The following RREB1 variants were observed in gnomAD, a reference collection of about 807,000 sequenced individuals.
RREB1 encodes the protein ras responsive element binding protein 1, also known as ras-responsive element-binding protein 1.
In RREB1, 27 loss-of-function variants were observed where a neutral mutation model predicts 117.8. That is an observed-to-expected ratio of 0.23 (90% confidence interval 0.17 to 0.32). The LOEUF is 0.32. Among genes scored for constraint, RREB1 ranks in the 10% least tolerant of loss-of-function variants. The pLI is 1.00. For missense variants in RREB1, 2,577 were observed against 2,378.2 expected, an observed-to-expected ratio of 1.08 and a Z score of -1.74; for synonymous variants, 1,298 against 1,026.7, an observed-to-expected ratio of 1.26 and a Z score of -5.05.
At chr6:7,127,045 C>T (rs957219568) in intron 1 of RREB1, among the ~76,000 whole-genome samples, 10 of 152,088 alleles carry the variant, frequency 6.6e-5, no homozygotes, top group African/African-American at 1.2e-4. Context: ...TAAGTACAGG[C>T]CCTGGAGTAT....
Position 7,177,702 on chromosome 6 carries a change from TTTTTC to T in RREB1, c.-166+944_-166+948del, listed in dbSNP as rs1038154584. Among the ~76,000 whole-genome samples the T allele has an allele frequency of 6.6e-5, 10 of 152,010 alleles. No homozygotes were observed. The South Asian group carries it at 1.5e-3, about 22-fold the overall frequency. ...ACACATGCTACCATACCTGGCTTCT[TTTTTC>T]TTTTCTTTTCTTTTTCTGTCTTTCT... On this transcript the variant is annotated intron_variant, in intron 2 of 12. Coordinates refer to ENST00000379938, the MANE Select transcript of RREB1 (RefSeq NM_001003699.4).
intron 6 of RREB1, among the ~76,000 whole-genome samples, chr6:7,191,781 T>G (rs980732478): frequency 1.4e-4 from 21 of 152,210 alleles, no homozygotes; most frequent in African/African-American, 4.6e-4. Context: ...TAGTTAAAAT[T>G]TATATATTGA....
intron 6 of RREB1, among the ~76,000 whole-genome samples, chr6:7,208,868 T>G (rs1766423872): frequency 6.6e-6 from 1 of 152,110 alleles, no homozygotes. Context: ...CAGAACAGAG[T>G]TAACTGACTG....
Position 7,229,779 on chromosome 6 carries a change from C to T in RREB1, c.1680C>T (p.Ala560=), listed in dbSNP as rs1021936420. 3 of 1,606,916 alleles carry T rather than the reference C, an allele frequency of 1.9e-6. No homozygotes were observed. The African/African-American group carries it at 4.0e-5, about 21-fold the overall frequency. The change falls in exon 10 of 13, where the codon GCC becomes GCT. Residue 560 remains alanine, a synonymous_variant. Coordinates refer to ENST00000379938, the MANE Select transcript of RREB1 (RefSeq NM_001003699.4). The surrounding 1 kb of genome is among the most constrained non-coding windows in gnomAD (Gnocchi z 4.5). Reference sequence around the variant, plus strand: ...GCTCAGTGGAGGCGGCCTCCAACGCCCACCTGCTGCAGTCCAAGTCCGGGA... The same window carrying T: ...GCTCAGTGGAGGCGGCCTCCAACGCTCACCTGCTGCAGTCCAAGTCCGGGA... ...LKGSVEAASN[A]HLLQSKSGTQ...
At chr6:7,114,534 C>A (rs1761300796) in intron 1 of RREB1, among the ~76,000 whole-genome samples, 1 of 151,820 alleles carries the variant, frequency 6.6e-6, no homozygotes, top group African/African-American at 2.4e-5. Flanking sequence ...AGATGCTGTT[C>A]CACATCTTGG....
chr6:7,207,427 GAA>G (rs1245856620), intron 6 of RREB1, among the ~76,000 whole-genome samples: 1 of 152,184 alleles, frequency 6.6e-6, no homozygotes, highest in Admixed American at 6.5e-5. Context: ...TCTGGAAGGT[GAA>G]AAGATGCACT....
At chr6:7,235,840 G>A (rs969669910) in intron 10 of RREB1, among the ~76,000 whole-genome samples, 20 of 152,206 alleles carry the variant, frequency 1.3e-4, no homozygotes, top group Non-Finnish European at 2.5e-4. Flanking sequence ...AGTGTCCAAC[G>A]AGGGGTATAC....
At chr6:7,244,817 C>T (rs1051438186) in intron 11 of RREB1, among the ~76,000 whole-genome samples, 1 of 152,202 alleles carries the variant, frequency 6.6e-6, no homozygotes, top group African/African-American at 2.4e-5. Context: ...ACTGTCTCCT[C>T]AGACCTCAGG....
At chr6:7,188,923 T>C (rs1765249943) in intron 5 of RREB1, among the ~76,000 whole-genome samples, 1 of 152,226 alleles carries the variant, frequency 6.6e-6, no homozygotes, top group Non-Finnish European at 1.5e-5. Flanking sequence ...TTCTGAGCCT[T>C]TCAGTAGAAG....
intron 1 of RREB1, among the ~76,000 whole-genome samples, chr6:7,142,933 A>G (rs760671741): frequency 3.3e-5 from 5 of 152,212 alleles, no homozygotes; most frequent in Non-Finnish European, 5.9e-5. Flanking sequence ...TGGAGCATGA[A>G]CCAGTGGCTG....
chr6:7,236,415 G>A (rs1293377322), intron 10 of RREB1, among the ~76,000 whole-genome samples: 4 of 152,102 alleles, frequency 2.6e-5, no homozygotes, highest in African/African-American at 7.2e-5. Context: ...TCAGAGCTTC[G>A]GTCAGTGAGT....
Position 7,200,200 on chromosome 6 carries a change from ATATG to A in RREB1, c.426-10594_426-10591del, listed in dbSNP as rs143639046. On this transcript the variant is annotated intron_variant, in intron 6 of 12. Coordinates refer to ENST00000379938, the MANE Select transcript of RREB1 (RefSeq NM_001003699.4). ...ATTTTATATATATGTGTGTGTGTAT[ATATG>A]TATGTATGTGTGTGTATATATATAT... is the stretch of plus-strand genomic sequence containing the variant. Among the ~76,000 whole-genome samples the A allele has an allele frequency of 3.7e-3, 559 of 149,672 alleles. 3 individuals carry two copies. Among genetic ancestry groups the A allele is most frequent in the African/African-American group, 0.013 (523 of 40,708 alleles).
intron 6 of RREB1, among the ~76,000 whole-genome samples, chr6:7,195,075 G>A (rs1366051574): frequency 6.6e-6 from 1 of 152,180 alleles, no homozygotes; most frequent in African/African-American, 2.4e-5. Context: ...TGTTGTATGT[G>A]CCAGAGAGGG....
In RREB1 at chr6:7,229,843, C is replaced by A; in HGVS notation, c.1744C>A (p.Pro582Thr). 6.2e-7 allele frequency: 1 copy of A among 1,609,992 alleles called. No homozygotes were observed. Among genetic ancestry groups the A allele is most frequent in the Non-Finnish European group, 8.5e-7 (1 of 1,178,458 alleles). Residue 582 changes from proline (P) to threonine (T), a missense_variant, in exon 10 of 13, where the codon CCG (proline) becomes ACG (threonine). By Grantham distance (38) the Pro-to-Thr change is conservative. Coordinates refer to ENST00000379938, the MANE Select transcript of RREB1 (RefSeq NM_001003699.4). The surrounding 1 kb of genome is among the most constrained non-coding windows in gnomAD (Gnocchi z 4.5). Reference sequence around the variant, plus strand: ...GGCCACGCGGCTCTCCCTGCAGCAGCCGCGGGCGGAGCTGCCGGGCCAGCC... The same window carrying A: ...GGCCACGCGGCTCTCCCTGCAGCAGACGCGGGCGGAGCTGCCGGGCCAGCC... The part of the protein sequence containing the change: ...HAATRLSLQQ[P>T]RAELPGQPEM...
intron 1 of RREB1, among the ~76,000 whole-genome samples, chr6:7,126,435 A>AT (rs1456619837): frequency 6.6e-6 from 1 of 151,246 alleles, no homozygotes; most frequent in African/African-American, 2.4e-5. Context: ...CATCTAGCTG[A>AT]TTTTTTTATT....
chr6:7,157,308 C>T (rs1465706002), intron 1 of RREB1, among the ~76,000 whole-genome samples: 1 of 151,976 alleles, frequency 6.6e-6, no homozygotes, highest in Non-Finnish European at 1.5e-5. Flanking sequence ...GTGGGGCGTG[C>T]CTGTAGTCCC....
At chr6:7,190,890 G>A (rs545081145) in intron 6 of RREB1, among the ~76,000 whole-genome samples, 21 of 152,152 alleles carry the variant, frequency 1.4e-4, no homozygotes, top group Non-Finnish European at 2.6e-4. Flanking sequence ...CTGAGCCTCT[G>A]CTCAGTGGAA....
intron 1 of RREB1, among the ~76,000 whole-genome samples, chr6:7,120,149 G>T (rs1761610153): frequency 6.7e-6 from 1 of 150,184 alleles, no homozygotes. Flanking sequence ...TGTTTTAGTT[G>T]ATTAAAAATT....
chr6:7,117,328 A>G (rs561789638), intron 1 of RREB1, among the ~76,000 whole-genome samples: 2 of 150,730 alleles, frequency 1.3e-5, no homozygotes, highest in East Asian at 2.0e-4. Context: ...AGGGGAGATA[A>G]CCAGGAAGAT....
Sources: gnomAD v4.1 joint callset for allele counts (sites outside exome capture counted in the v4.1 genomes callset) on GRCh38, gnomAD v4.1.1 for gene constraint, Gnocchi (gnomAD v3.1) non-coding constraint, MANE v1.5 for transcripts, NCBI Gene and HGNC (gene_info 2026-07-23, HGNC 2026-07-21) for gene names.